Variants in WDR25 observed in about 807,000 individuals in gnomAD.
WDR25 encodes the protein WD repeat domain 25, also known as WD repeat-containing protein 25.
Under a neutral mutation model 47.7 loss-of-function variants are expected in WDR25, and 35 were observed. The observed-to-expected ratio is 0.73, with a 90% CI of 0.56 to 0.97. The LOEUF (loss-of-function observed/expected upper bound fraction) is 0.97. Ranked by LOEUF, WDR25 falls within the 50% of genes least tolerant of loss-of-function variation. The probability of loss-of-function intolerance (pLI) is 0.00; values close to 1 mark genes in which losing one functional copy is unlikely to be tolerated. For synonymous variants in WDR25, 248 were observed against 278.9 expected (o/e 0.89, Z 1.10); for missense variants, 634 against 704.7 (o/e 0.90, Z 1.14).
chr14:100,492,117 C>T (rs949297595), intron 4 of WDR25, among the ~76,000 whole-genome samples: 18 of 152,234 alleles, frequency 1.2e-4, no homozygotes, highest in African/African-American at 4.3e-4. Flanking sequence ...CAACAAAATC[C>T]AGTTAGATGG....
At chr14:100,462,497 A>G (rs1212003806) in intron 2 of WDR25, among the ~76,000 whole-genome samples, 2 of 152,196 alleles carry the variant, frequency 1.3e-5, no homozygotes, top group Non-Finnish European at 2.9e-5. Flanking sequence ...TTCACCCTGG[A>G]TAGCTTTGAG....
At chr14:100,431,177 T>C (rs1307447883) in intron 2 of WDR25, among the ~76,000 whole-genome samples, 1 of 152,202 alleles carries the variant, frequency 6.6e-6, no homozygotes. Context: ...ATGAATTGAT[T>C]TGAGTATCTG....
intron 2 of WDR25, among the ~76,000 whole-genome samples, chr14:100,409,002 C>A (rs1897628823): frequency 6.6e-6 from 1 of 152,148 alleles, no homozygotes; most frequent in African/African-American, 2.4e-5. Flanking sequence ...ATTTGAGGTG[C>A]TTGTCGAGAT....
chr14:100,380,919 C>A lies in WDR25; in HGVS notation c.-6C>A. On this transcript the variant is annotated 5_prime_UTR_variant, in exon 2 of 7. Coordinates refer to ENST00000402312, the MANE Select transcript of WDR25 (RefSeq NM_001161476.3). ...CCTTGTTTGATCTTAGGTGGTTTGG[C>A]TTTGAATGACAGCAAGAACTCTGTC... 11 of 1,608,368 alleles carry A rather than the reference C, an allele frequency of 6.8e-6. No individual in the cohort carries two copies. The highest frequency in any genetic ancestry group is 9.4e-6 in the Non-Finnish European group (11 of 1,175,326).
Position 100,488,457 on chromosome 14 carries a change from A to G in WDR25, c.1101+4333A>G, listed in dbSNP as rs1037187480. Reference sequence around the variant, plus strand: ...CCTGGGCTCACGTCCTCCCTCTGCTACTTGCTTGGCTGGGTGATTTCGGCC... The same window carrying G: ...CCTGGGCTCACGTCCTCCCTCTGCTGCTTGCTTGGCTGGGTGATTTCGGCC... On this transcript the variant is annotated intron_variant, in intron 4 of 6. Coordinates refer to ENST00000402312, the MANE Select transcript of WDR25 (RefSeq NM_001161476.3). This position sits in a 1 kb window ranked among gnomAD's most constrained non-coding sequence, Gnocchi z 4.2. Among the ~76,000 whole-genome samples, 1 of 152,126 alleles carries G rather than the reference A, an allele frequency of 6.6e-6. No individual in the cohort carries two copies. Among genetic ancestry groups the G allele is most frequent in the Non-Finnish European group, 1.5e-5 (1 of 68,032 alleles).
chr14:100,433,335 G>A (rs987346603), intron 2 of WDR25, among the ~76,000 whole-genome samples: 3 of 152,226 alleles, frequency 2.0e-5, no homozygotes, highest in Admixed American at 6.5e-5. Flanking sequence ...TTCAGGTGAT[G>A]CCCTTTGGCA....
In WDR25 at chr14:100,480,295, A is replaced by G. The variant is rs117891170; in HGVS notation, c.971-3699A>G. On this transcript the variant is annotated intron_variant, in intron 3 of 6. Coordinates refer to ENST00000402312, the MANE Select transcript of WDR25 (RefSeq NM_001161476.3). ...GTTCTTGACAACATTGTGCTGACAC[A>G]AGAGTGACCATGAAAATCTCTTGTG... 3.1e-3 allele frequency among the ~76,000 whole-genome samples: 465 copies of G among 152,338 alleles called. 22 individuals are homozygous for G. The East Asian group carries it at 0.081, about 27-fold the overall frequency.
chr14:100,402,550 T>C (rs1399398234), intron 2 of WDR25, among the ~76,000 whole-genome samples: 1 of 152,110 alleles, frequency 6.6e-6, no homozygotes, highest in African/African-American at 2.4e-5. Context: ...TGGGGTTCTG[T>C]CATTTTCCAG....
chr14:100,471,019 C>A (rs1899813295), intron 3 of WDR25, among the ~76,000 whole-genome samples: 1 of 152,160 alleles, frequency 6.6e-6, no homozygotes, highest in African/African-American at 2.4e-5. Flanking sequence ...ATTGTGCACC[C>A]ACTGCGTGTA....
chr14:100,405,829 G>A (rs1897520033), intron 2 of WDR25, among the ~76,000 whole-genome samples: 1 of 152,114 alleles, frequency 6.6e-6, no homozygotes, highest in African/African-American at 2.4e-5. Flanking sequence ...CTTAAGAAAC[G>A]CCACTCCCGA....
Position 100,468,298 on chromosome 14 carries a change from C to T in WDR25, c.970+130C>T, listed in dbSNP as rs1427890146. ...AGGGAGAGGGGCCTCAGGGTGGGCT[C>T]GTGCTCGGTGAGAGGGCTTCCAGAC... On this transcript the variant is annotated intron_variant, in intron 3 of 6. Coordinates refer to ENST00000402312, the MANE Select transcript of WDR25 (RefSeq NM_001161476.3). The surrounding 1 kb of genome is among the most constrained non-coding windows in gnomAD (Gnocchi z 4.5). The T allele has an allele frequency of 5.8e-6, 8 of 1,367,662 alleles. No homozygotes were observed. Among genetic ancestry groups the T allele is most frequent in the East Asian group, 4.7e-5 (2 of 42,206 alleles). 84.7% of individuals were successfully genotyped at this position (1,367,662 alleles called of 1,614,324 possible).
intron 4 of WDR25, among the ~76,000 whole-genome samples, chr14:100,509,320 A>T (rs1234883469): frequency 6.6e-6 from 1 of 152,098 alleles, no homozygotes; most frequent in Non-Finnish European, 1.5e-5. Flanking sequence ...CTTCTAAGGA[A>T]TTTTTCCATT....
chr14:100,410,041 GTTTACCA>G (rs1438298134), intron 2 of WDR25, among the ~76,000 whole-genome samples: 2 of 152,162 alleles, frequency 1.3e-5, no homozygotes, highest in African/African-American at 4.8e-5. Flanking sequence ...AGCCACAAAA[GTTTACCA>G]TTTCAGAAAA....
intron 5 of WDR25, 121 bp from the exon 6 acceptor site, chr14:100,528,947 G>GCAATAGGAATC: frequency 8.5e-7 from 1 of 1,180,034 alleles, no homozygotes; most frequent in Non-Finnish European, 1.1e-6. Context: ...ATTTGTCACA[G>GCAATAGGAATC]CAGTGATAGG....
At chr14:100,382,944 G>A (rs1488117944) in intron 2 of WDR25, among the ~76,000 whole-genome samples, 3 of 152,218 alleles carry the variant, frequency 2.0e-5, no homozygotes. Flanking sequence ...CCTCATAGGC[G>A]CTCAGTAAAT....
rs370163030 is a variant in WDR25 at position 100,381,490 on chromosome 14, C to G, written c.566C>G (p.Thr189Arg). 1.1e-5 allele frequency: 18 copies of G among 1,614,050 alleles called. No individual in the cohort carries two copies. The highest frequency in any genetic ancestry group is 1.4e-5 in the Non-Finnish European group (17 of 1,180,036). ...RRLRQRQALS[T>R]ETGKGKDVEP... is the part of the protein sequence containing the mutation. ...CTAAGACAGCGGCAGGCATTAAGCA[C>G]GGAGACAGGCAAGGGTAAAGACGTG... is the stretch of plus-strand genomic sequence containing the variant. Residue 189 changes from threonine to arginine, a missense_variant, in exon 2 of 7, where the codon ACG (threonine) becomes AGG (arginine). Transcript: ENST00000402312.
At chr14:100,422,258 G>T (rs1898047377) in intron 2 of WDR25, among the ~76,000 whole-genome samples, 1 of 152,124 alleles carries the variant, frequency 6.6e-6, no homozygotes, top group Non-Finnish European at 1.5e-5. Context: ...TGGCTGTGCT[G>T]TTTGCTGGAG....
intron 2 of WDR25, among the ~76,000 whole-genome samples, chr14:100,459,496 A>T (rs1280800775): frequency 3.3e-5 from 5 of 152,146 alleles, no homozygotes; most frequent in Non-Finnish European, 7.4e-5. Context: ...CTCCAAATTT[A>T]TATTTTGAAA....
chr14:100,423,706 G>A (rs1020928251), intron 2 of WDR25, among the ~76,000 whole-genome samples: 4 of 152,134 alleles, frequency 2.6e-5, no homozygotes, highest in South Asian at 2.1e-4. Flanking sequence ...TATTTGCAGC[G>A]TGCTGGAGAA....
Sources: gnomAD v4.1 joint callset for allele counts (sites outside exome capture counted in the v4.1 genomes callset) on GRCh38, gnomAD v4.1.1 for gene constraint, Gnocchi (gnomAD v3.1) non-coding constraint, MANE v1.5 for transcripts, NCBI Gene and HGNC (gene_info 2026-07-23, HGNC 2026-07-21) for gene names.